Variants in SIAH3 observed in about 807,000 individuals in gnomAD.
The protein encoded by SIAH3 is seven in absentia homolog 3.
SIAH3 carries 9 observed loss-of-function variants against 12.6 expected under a neutral mutation model. The observed-to-expected ratio is 0.72, with a 90% CI of 0.43 to 1.25. SIAH3 has a LOEUF of 1.25. Ranked by LOEUF, SIAH3 falls within the 50% of genes most tolerant of loss-of-function variation. SIAH3 has a pLI of 0.00. For missense variants in SIAH3, 390 were observed against 365.4 expected (o/e 1.07, Z -0.55); for synonymous variants, 154 against 151.1 (o/e 1.02, Z -0.14).
chr13:45,831,223 T>A (rs1026449646), intron 1 of SIAH3, among the ~76,000 whole-genome samples: 40 of 141,598 alleles, frequency 2.8e-4, no homozygotes, highest in African/African-American at 5.3e-4. Context: ...AATAAATAAA[T>A]AAAATAAAAA....
chr13:45,834,382 C>T (rs1950710711), intron 1 of SIAH3, among the ~76,000 whole-genome samples: 4 of 152,218 alleles, frequency 2.6e-5, no homozygotes, highest in Admixed American at 2.6e-4. Context: ...TGCTTACTGA[C>T]ATCGATGGGC....
intron 1 of SIAH3, among the ~76,000 whole-genome samples, chr13:45,794,671 C>A (rs1401897263): frequency 6.6e-6 from 1 of 152,154 alleles, no homozygotes; most frequent in Non-Finnish European, 1.5e-5. Context: ...GTAAGACGTG[C>A]CTTTGCTCCT....
At chr13:45,790,116 A>G (rs2137550917) in intron 1 of SIAH3, among the ~76,000 whole-genome samples, 1 of 152,296 alleles carries the variant, frequency 6.6e-6, no homozygotes, top group South Asian at 2.1e-4. Context: ...TCTTAACTGT[A>G]TTGGAATCTT....
intron 1 of SIAH3, among the ~76,000 whole-genome samples, chr13:45,839,993 G>T (rs150658211): frequency 2.0e-5 from 3 of 151,214 alleles, no homozygotes; most frequent in African/African-American, 7.3e-5. Context: ...TGCCATGGCT[G>T]ACGCCTGAAA....
rs565427443 is a variant in SIAH3 at position 45,783,339 on chromosome 13, G to A, written c.*44C>T. The A allele has an allele frequency of 4.5e-5, 69 of 1,545,274 alleles. No homozygotes were observed. Among genetic ancestry groups the A allele is most frequent in the Middle Eastern group, 1.7e-4 (1 of 5,800 alleles). Reference sequence around the variant, plus strand: ...GTCCTGGTATTGGGAGGTCCCAGGCGTTTCCTAGGGAGGCTGTGTGGGGAG... The same window carrying A: ...GTCCTGGTATTGGGAGGTCCCAGGCATTTCCTAGGGAGGCTGTGTGGGGAG... On this transcript the variant is annotated 3_prime_UTR_variant, in exon 2 of 2. Transcript: ENST00000400405.
In SIAH3 at chr13:45,788,115, G is replaced by A. The variant is rs543486063; in HGVS notation, c.136-4058C>T. On this transcript the variant is annotated intron_variant, in intron 1 of 1. Coordinates refer to ENST00000400405, the MANE Select transcript of SIAH3 (RefSeq NM_198849.3). Reference sequence around the variant, plus strand: ...GACCTGTGTACTTGCTGTGCCCTGGGATGGTGCTCAGAATAAACACAACCT... The same window carrying A: ...GACCTGTGTACTTGCTGTGCCCTGGAATGGTGCTCAGAATAAACACAACCT... Among the ~76,000 whole-genome samples, 23 of 152,330 alleles carry A rather than the reference G, an allele frequency of 1.5e-4. No homozygotes were observed. In the South Asian group the frequency reaches 3.5e-3, roughly 23 times the overall value.
At chr13:45,787,646 A>G (rs537485766) in intron 1 of SIAH3, among the ~76,000 whole-genome samples, 75 of 152,350 alleles carry the variant, frequency 4.9e-4, no homozygotes, top group African/African-American at 1.7e-3. Context: ...AGAAGTGACA[A>G]GAAGTTCCAA....
chr13:45,811,896 C>T (rs375875075), intron 1 of SIAH3, among the ~76,000 whole-genome samples: 48 of 152,230 alleles, frequency 3.2e-4, no homozygotes, highest in East Asian at 3.1e-3. Context: ...ATTCTGTCTC[C>T]GAAGAACCAG....
At chr13:45,801,886 T>C (rs1391079674) in intron 1 of SIAH3, among the ~76,000 whole-genome samples, 2 of 151,994 alleles carry the variant, frequency 1.3e-5, no homozygotes, top group African/African-American at 4.8e-5. Context: ...CAGGGCTGGG[T>C]TTTGGTGGAA....
chr13:45,828,901 T>C (rs995489210), intron 1 of SIAH3, among the ~76,000 whole-genome samples: 2 of 151,964 alleles, frequency 1.3e-5, no homozygotes, highest in African/African-American at 2.4e-5. Context: ...ATTGACAGAA[T>C]AGTTAGAAGG....
chr13:45,829,745 G>A (rs1178693721), intron 1 of SIAH3, among the ~76,000 whole-genome samples: 3 of 152,100 alleles, frequency 2.0e-5, no homozygotes, highest in Non-Finnish European at 4.4e-5. Flanking sequence ...AAACTGTCTT[G>A]CTTGTTTCCC....
chr13:45,786,215 G>T (rs911055184), intron 1 of SIAH3, among the ~76,000 whole-genome samples: 2 of 152,116 alleles, frequency 1.3e-5, no homozygotes, highest in African/African-American at 4.8e-5. Flanking sequence ...CCCACTGTCT[G>T]CAGGGCCGGT....
chr13:45,798,798 T>C (rs1286351160), intron 1 of SIAH3, among the ~76,000 whole-genome samples: 2 of 152,232 alleles, frequency 1.3e-5, no homozygotes, highest in African/African-American at 2.4e-5. Flanking sequence ...CAAATACATT[T>C]TGAAAAATTA....
Position 45,781,883 on chromosome 13 carries a change from G to T in SIAH3, c.*1500C>A, listed in dbSNP as rs571386158. Reference sequence around the variant, plus strand: ...ATGCCTGCCAGGACCAAGCCGAGGGGGTGAGGTGCAGGAACAGGGCACGGA... The same window carrying T: ...ATGCCTGCCAGGACCAAGCCGAGGGTGTGAGGTGCAGGAACAGGGCACGGA... On this transcript the variant is annotated 3_prime_UTR_variant, in exon 2 of 2. Transcript: ENST00000400405. 1.3e-5 allele frequency: 2 copies of T among 152,318 alleles called. No homozygotes were observed. The highest frequency in any genetic ancestry group is 4.8e-5 in the African/African-American group (2 of 41,570). The allele number at this position is 152,318 out of a possible 1,614,324, so 9.4% of individuals were successfully genotyped here.
At chr13:45,796,415 T>C (rs1234835920) in intron 1 of SIAH3, among the ~76,000 whole-genome samples, 1 of 152,196 alleles carries the variant, frequency 6.6e-6, no homozygotes. Flanking sequence ...TCTGTAGGTC[T>C]GGTTGCATCA....
intron 1 of SIAH3, among the ~76,000 whole-genome samples, chr13:45,843,034 C>CTGTG (rs55772614): frequency 0.014 from 1,901 of 139,278 alleles, 37 homozygotes; most frequent in African/African-American, 0.044. Context: ...CTCTCTCTCT[C>CTGTG]TGTGTGTGTG....
chr13:45,783,573 C>A lies in SIAH3; in HGVS notation c.620G>T (p.Arg207Ile). ...CTCCCACTTGAGGCGCCGATGGTTT[C>A]TGTTGAGCTCCAGGCGATAGGTGAA... The part of the protein sequence containing the change: ...DCFTYRLELN[R>I]NHRRLKWEAT... Residue 207 changes from arginine to isoleucine, a missense_variant, in exon 2 of 2, where the codon AGA (arginine) becomes ATA (isoleucine). By Grantham distance (97) the Arg-to-Ile change is moderately conservative (BLOSUM62 -3). Coordinates refer to ENST00000400405, the MANE Select transcript of SIAH3 (RefSeq NM_198849.3). The A allele has an allele frequency of 1.9e-6, 3 of 1,614,222 alleles. No individual in the cohort carries two copies. Among genetic ancestry groups the A allele is most frequent in the Non-Finnish European group, 2.5e-6 (3 of 1,180,044 alleles).
chr13:45,828,867 A>C (rs896607828), intron 1 of SIAH3, among the ~76,000 whole-genome samples: 3 of 152,224 alleles, frequency 2.0e-5, no homozygotes, highest in African/African-American at 7.2e-5. Context: ...GTTTAAAAGG[A>C]ATCAGTCAGT....
intron 1 of SIAH3, among the ~76,000 whole-genome samples, chr13:45,838,276 T>C (rs115923687): frequency 6.6e-6 from 1 of 152,040 alleles, no homozygotes; most frequent in African/African-American, 2.4e-5. Context: ...TTTCAAGGAG[T>C]GGGTGGTAAG....
Sources: allele counts gnomAD v4.1 joint callset (sites outside exome capture counted in the v4.1 genomes callset), GRCh38; gene constraint gnomAD v4.1.1; transcripts MANE v1.5; gene names NCBI Gene and HGNC (gene_info 2026-07-23, HGNC 2026-07-21).